Variants in MCTP2 observed in about 807,000 individuals in gnomAD.
The protein encoded by MCTP2 is multiple C2 and transmembrane domain containing 2.
A neutral mutation model predicts 111.6 loss-of-function variants in MCTP2; 132 were observed. The observed-to-expected ratio is 1.18, with a 90% CI of 1.03 to 1.37. The LOEUF (loss-of-function observed/expected upper bound fraction) is 1.37. Among genes scored for constraint, MCTP2 ranks in the 40% most tolerant of loss-of-function variants. MCTP2 has a pLI of 0.00. For missense variants in MCTP2, 1,183 were observed against 1,067.9 expected (o/e 1.11, Z -1.50); for synonymous variants, 395 against 387.7 (o/e 1.02, Z -0.22).
intron 2 of MCTP2, among the ~76,000 whole-genome samples, chr15:94,307,128 C>T (rs1338020426): frequency 6.6e-6 from 1 of 152,080 alleles, no homozygotes; most frequent in Admixed American, 6.5e-5. Flanking sequence ...TGTGCTGATG[C>T]AGATCCAGAC....
chr15:94,468,156 TTGGAAATCAC>T (rs2073566741), intron 20 of MCTP2, among the ~76,000 whole-genome samples: 1 of 152,090 alleles, frequency 6.6e-6, no homozygotes, highest in African/African-American at 2.4e-5. Flanking sequence ...CAAACTGATA[TTGGAAATCAC>T]TGAGGAAAAA....
chr15:94,311,962 T>C (rs1346653018), intron 2 of MCTP2, among the ~76,000 whole-genome samples: 4 of 152,206 alleles, frequency 2.6e-5, no homozygotes, highest in Admixed American at 6.5e-5. Flanking sequence ...AAGTAGAAGA[T>C]ACAAGACCAT....
chr15:94,431,252 TAGTC>T (rs1305238123), intron 17 of MCTP2, among the ~76,000 whole-genome samples: 1 of 152,238 alleles, frequency 6.6e-6, no homozygotes, highest in East Asian at 1.9e-4. Flanking sequence ...AGTGAAGAAA[TAGTC>T]AAGCAGTTGA....
At chr15:94,385,004 A>G (rs1364035730) in intron 13 of MCTP2, among the ~76,000 whole-genome samples, 1 of 152,210 alleles carries the variant, frequency 6.6e-6, no homozygotes, top group Non-Finnish European at 1.5e-5. Flanking sequence ...ATTTCAGGAA[A>G]TAGTGATTTT....
chr15:94,261,381 A>C (rs1483098765), intron 1 of MCTP2, among the ~76,000 whole-genome samples: 4 of 152,140 alleles, frequency 2.6e-5, no homozygotes, highest in Non-Finnish European at 5.9e-5. Flanking sequence ...AAACAGTTGG[A>C]GTGGATAGCA....
chr15:94,470,512 C>T (rs954136037), intron 21 of MCTP2, 70 bp downstream of exon 21: 41 of 1,062,542 alleles, frequency 3.9e-5, no homozygotes, highest in South Asian at 2.1e-4. Flanking sequence ...TTTTAAAGTG[C>T]GACTATTAAT....
At chr15:94,478,820 C>T in intron 22 of MCTP2, 146 bp from the exon 23 acceptor site, 1 of 639,584 alleles carries the variant, frequency 1.6e-6, no homozygotes, top group Non-Finnish European at 2.8e-6. Flanking sequence ...GCAATTAATC[C>T]CTCCATGTTC....
chr15:94,328,341 G>T (rs990855650), intron 4 of MCTP2, among the ~76,000 whole-genome samples: 3 of 151,930 alleles, frequency 2.0e-5, no homozygotes, highest in Non-Finnish European at 4.4e-5. Flanking sequence ...TGTTAGCCAG[G>T]ATGGTCTTGA....
At chr15:94,383,731 G>A (rs147475362) in intron 12 of MCTP2, among the ~76,000 whole-genome samples, 6 of 152,128 alleles carry the variant, frequency 3.9e-5, no homozygotes, top group Non-Finnish European at 7.4e-5. Flanking sequence ...TCCTTCCCAC[G>A]ACACATGGGA....
Position 94,470,399 on chromosome 15 carries a change from C to A in MCTP2, c.2427C>A (p.Ile809=). Residue 809 remains isoleucine, a synonymous_variant, in exon 21 of 23, where the codon ATC becomes ATA. Transcript: ENST00000357742. ...GTTTGATTCTGGCAGCAGCCACCATCATTTTGTATTTCATTCCACTGCGGT... is the reference window on the plus strand; with the variant it reads ...GTTTGATTCTGGCAGCAGCCACCATAATTTTGTATTTCATTCCACTGCGGT... The part of the protein sequence containing the change: ...LACLILAAAT[I]ILYFIPLRYI... 6.2e-7 allele frequency: 1 copy of A among 1,613,870 alleles called. No individual in the cohort carries two copies. Among genetic ancestry groups the A allele is most frequent in the Non-Finnish European group, 8.5e-7 (1 of 1,179,744 alleles).
At chr15:94,334,513 G>A (rs11631501) in intron 4 of MCTP2, among the ~76,000 whole-genome samples, 63,453 of 152,000 alleles carry the variant, frequency 0.42, 13,965 homozygotes, top group Admixed American at 0.51. Flanking sequence ...AAAATATGGA[G>A]TAGAAAACTT....
intron 1 of MCTP2, among the ~76,000 whole-genome samples, chr15:94,238,545 T>C (rs889249661): frequency 6.6e-6 from 1 of 152,192 alleles, no homozygotes; most frequent in Non-Finnish European, 1.5e-5. Flanking sequence ...CAAAAACTAT[T>C]CACTGAGCAT....
Position 94,298,511 on chromosome 15 carries a change from G to A in MCTP2, c.246G>A (p.Leu82=), listed in dbSNP as rs774321492. 129 of 1,613,840 alleles carry A rather than the reference G, an allele frequency of 8.0e-5. No homozygotes were observed. Among genetic ancestry groups the A allele is most frequent in the Non-Finnish European group, 9.2e-5 (109 of 1,179,884 alleles). ...QSSYTSVPSS[L]STAGIFPKSS... ...CCTACACCTCGGTGCCCAGCAGTCT[G>A]TCCACTGCAGGGATCTTTCCCAAGA... The change falls in exon 2 of 23, where the codon CTG becomes CTA. Residue 82 remains leucine, a synonymous_variant. Transcript: ENST00000357742.
intron 14 of MCTP2, among the ~76,000 whole-genome samples, chr15:94,390,049 C>T (rs2080782737): frequency 9.1e-6 from 1 of 109,680 alleles, no homozygotes; most frequent in Non-Finnish European, 1.7e-5. Flanking sequence ...ATGTTCAAGG[C>T]ATATATATAT....
At chr15:94,312,610 A>G (rs2076196632) in intron 2 of MCTP2, among the ~76,000 whole-genome samples, 3 of 152,230 alleles carry the variant, frequency 2.0e-5, no homozygotes. Flanking sequence ...AACTGAACAC[A>G]GTGTATTCAC....
intron 1 of MCTP2, among the ~76,000 whole-genome samples, chr15:94,235,378 C>T (rs571183075): frequency 6.6e-5 from 10 of 152,174 alleles, no homozygotes; most frequent in Non-Finnish European, 8.8e-5. Context: ...TCAGGCACCC[C>T]GCATTAGGAG....
At chr15:94,388,708 G>T (rs965240820) in intron 14 of MCTP2, among the ~76,000 whole-genome samples, 1 of 152,060 alleles carries the variant, frequency 6.6e-6, no homozygotes, top group African/African-American at 2.4e-5. Context: ...CACTTGGCAT[G>T]TGCTGAACCA....
intron 10 of MCTP2, among the ~76,000 whole-genome samples, chr15:94,366,008 T>C (rs1361395874): frequency 6.6e-6 from 1 of 152,232 alleles, no homozygotes; most frequent in Non-Finnish European, 1.5e-5. Context: ...ATTACTGCAA[T>C]ATTGCTCAAG....
At chr15:94,299,474 C>T (rs536978028) in intron 2 of MCTP2, among the ~76,000 whole-genome samples, 11 of 152,162 alleles carry the variant, frequency 7.2e-5, no homozygotes, top group African/African-American at 2.4e-4. Context: ...TGTGTGCACT[C>T]GCCTGTGAAC....
Sources: allele counts gnomAD v4.1 joint callset (sites outside exome capture counted in the v4.1 genomes callset), GRCh38; gene constraint gnomAD v4.1.1; transcripts MANE v1.5; gene names NCBI Gene and HGNC (gene_info 2026-07-23, HGNC 2026-07-21).